LOC122539214: variants seen among roughly 807,000 people sequenced by gnomAD.
chr19:52,659,220 G>A, the LOC122539214 span, among the ~76,000 whole-genome samples: 6 of 152,034 alleles, frequency 3.9e-5, no homozygotes, highest in African/African-American at 1.5e-4. Context: ...TGAAGGAAGC[G>A]TGAGGACCGC....
the LOC122539214 span, among the ~76,000 whole-genome samples, chr19:52,664,755 G>A: frequency 2.0e-5 from 3 of 151,560 alleles, no homozygotes; most frequent in African/African-American, 7.3e-5. Flanking sequence ...GCCTGGTGTG[G>A]GGGGGTGAGG....
the LOC122539214 span, among the ~76,000 whole-genome samples, chr19:52,656,864 C>CAAAAAAA: frequency 5.1e-5 from 7 of 136,656 alleles, no homozygotes; most frequent in Non-Finnish European, 6.5e-5. Flanking sequence ...GACTCCGTCT[C>CAAAAAAA]AAAAAAAAAA....
At chr19:52,689,133 C>T in the LOC122539214 span, among the ~76,000 whole-genome samples, 1 of 152,170 alleles carries the variant, frequency 6.6e-6, no homozygotes, top group Non-Finnish European at 1.5e-5. Flanking sequence ...GATTACACAA[C>T]CTGTCACTGT....
the LOC122539214 span, among the ~76,000 whole-genome samples, chr19:52,680,634 A>G: frequency 1.2e-4 from 11 of 95,024 alleles, no homozygotes; most frequent in African/African-American, 1.5e-4. Context: ...TTTTTTTGAG[A>G]CGGAGTCTCG....
At chr19:52,679,440 G>A in the LOC122539214 span, among the ~76,000 whole-genome samples, 8 of 152,046 alleles carry the variant, frequency 5.3e-5, no homozygotes, top group African/African-American at 1.9e-4. Flanking sequence ...ATGAAACTCC[G>A]ACTCTACTAA....
the LOC122539214 span, among the ~76,000 whole-genome samples, chr19:52,677,318 A>C: frequency 8.2e-5 from 9 of 110,324 alleles, no homozygotes; most frequent in East Asian, 4.6e-4. Context: ...AAAAAAAAAA[A>C]AAAAAAAAAA....
the LOC122539214 span, among the ~76,000 whole-genome samples, chr19:52,687,782 G>T: frequency 6.8e-6 from 1 of 147,306 alleles, no homozygotes; most frequent in Non-Finnish European, 1.5e-5. Context: ...AGGAGATCAC[G>T]CCACTGCACT....
the LOC122539214 span, chr19:52,655,617 T>C: frequency 9.3e-6 from 14 of 1,498,488 alleles, no homozygotes; most frequent in Non-Finnish European, 1.3e-5. Flanking sequence ...TAAAGCCCTC[T>C]GTGCAGGGTT....
At chr19:52,685,726 G>C in the LOC122539214 span, among the ~76,000 whole-genome samples, 1 of 151,852 alleles carries the variant, frequency 6.6e-6, no homozygotes, top group African/African-American at 2.4e-5. Flanking sequence ...GTGAAACCTT[G>C]TCTCTACTAA....
At chr19:52,680,200 A>T in the LOC122539214 span, among the ~76,000 whole-genome samples, 2,045 of 152,254 alleles carry the variant, frequency 0.013, 32 homozygotes, top group African/African-American at 0.042. Flanking sequence ...ACAAGAAAGC[A>T]GGCATGGGGC....
At chr19:52,673,187 C>G in the LOC122539214 span, among the ~76,000 whole-genome samples, 74 of 152,096 alleles carry the variant, frequency 4.9e-4, no homozygotes, top group East Asian at 0.012. Flanking sequence ...CCAGACTGTG[C>G]GAAAGAGCTG....
At chr19:52,650,576 T>C in the LOC122539214 span, 3 of 152,320 alleles carry the variant, frequency 2.0e-5, no homozygotes, top group African/African-American at 7.2e-5. Flanking sequence ...ACTTTTCTAA[T>C]AGACTCAGGA....
chr19:52,690,115 G>A, the LOC122539214 span, among the ~76,000 whole-genome samples: 1 of 151,960 alleles, frequency 6.6e-6, no homozygotes, highest in African/African-American at 2.4e-5. Flanking sequence ...TGCCCACGGC[G>A]GGAATCCACT....
At chr19:52,671,603 T>C in the LOC122539214 span, among the ~76,000 whole-genome samples, 604 of 152,214 alleles carry the variant, frequency 4.0e-3, no homozygotes, top group African/African-American at 5.5e-3. Flanking sequence ...CCACCAAGCC[T>C]GGCTAATTTG....
the LOC122539214 span, chr19:52,654,305 GATGACTTTT>G: frequency 6.6e-7 from 1 of 1,509,536 alleles, no homozygotes; most frequent in Admixed American, 1.7e-5. Flanking sequence ...TCTCCAATGT[GATGACTTTT>G]ATGTCTTTGC....
At chr19:52,677,216 A>G in the LOC122539214 span, among the ~76,000 whole-genome samples, 21 of 151,506 alleles carry the variant, frequency 1.4e-4, no homozygotes, top group South Asian at 4.4e-3. Context: ...ATCAGCCTGC[A>G]GTTCACACCA....
At chr19:52,655,525 G>T in the LOC122539214 span, 1 of 1,446,870 alleles carries the variant, frequency 6.9e-7, no homozygotes, top group Admixed American at 1.8e-5. Context: ...ATAGACAAGG[G>T]CAGATTCCTC....
chr19:52,677,550 T>C, the LOC122539214 span, among the ~76,000 whole-genome samples: 1 of 151,576 alleles, frequency 6.6e-6, no homozygotes, highest in Admixed American at 6.6e-5. Flanking sequence ...TAAAAGCAGT[T>C]TTACGTCTCT....
the LOC122539214 span, among the ~76,000 whole-genome samples, chr19:52,659,780 C>T: frequency 6.6e-6 from 1 of 152,092 alleles, no homozygotes; most frequent in Non-Finnish European, 1.5e-5. Context: ...AAGTAAGAGA[C>T]CTATAACAAA....
Sources: gnomAD v4.1 joint callset for allele counts (sites outside exome capture counted in the v4.1 genomes callset) on GRCh38, gnomAD v4.1.1 for gene constraint, MANE v1.5 for transcripts.